Variants in PDGFD observed in about 807,000 individuals in gnomAD.
PDGFD encodes platelet derived growth factor D.
PDGFD carries 30 observed loss-of-function variants against 44.7 expected under a neutral mutation model. That is an observed-to-expected ratio of 0.67 (90% confidence interval 0.50 to 0.91). PDGFD has a LOEUF of 0.91. Ranked by LOEUF, PDGFD falls within the 40% of genes least tolerant of loss-of-function variation. PDGFD has a pLI of 0.00. For synonymous variants in PDGFD, 173 were observed against 168.4 expected (o/e 1.03, Z -0.21); for missense variants, 445 against 457.8 (o/e 0.97, Z 0.25).
chr11:104,065,205 T>C (rs1233148755), intron 1 of PDGFD, among the ~76,000 whole-genome samples: 2 of 152,200 alleles, frequency 1.3e-5, no homozygotes, highest in African/African-American at 2.4e-5. Flanking sequence ...AGACAGCCTA[T>C]TGTAGGACCT....
chr11:103,919,131 G>T (rs1267247192), intron 6 of PDGFD, among the ~76,000 whole-genome samples: 1 of 152,178 alleles, frequency 6.6e-6, no homozygotes, highest in East Asian at 1.9e-4. Context: ...ACCACACAAA[G>T]CCAGGGAAAC....
chr11:104,120,237 C>A (rs999349105), intron 1 of PDGFD, among the ~76,000 whole-genome samples: 1 of 151,630 alleles, frequency 6.6e-6, no homozygotes. Context: ...GCTTTCATTA[C>A]TTGATGGCTA....
chr11:104,049,903 A>G (rs936958577), intron 1 of PDGFD, among the ~76,000 whole-genome samples: 3 of 152,150 alleles, frequency 2.0e-5, no homozygotes, highest in African/African-American at 2.4e-5. Flanking sequence ...TGAGGAGCCA[A>G]TTGGATTGGA....
At chr11:104,013,749 G>A (rs1490938503) in intron 1 of PDGFD, among the ~76,000 whole-genome samples, 2 of 151,886 alleles carry the variant, frequency 1.3e-5, no homozygotes, top group African/African-American at 4.8e-5. Context: ...TCAATAGGTA[G>A]CATGATCTAA....
intron 3 of PDGFD, among the ~76,000 whole-genome samples, chr11:103,980,128 C>A (rs535025747): frequency 7.9e-5 from 12 of 151,944 alleles, no homozygotes; most frequent in Non-Finnish European, 1.2e-4. Flanking sequence ...TTATCTGTTA[C>A]AGAGATAGTA....
intron 3 of PDGFD, among the ~76,000 whole-genome samples, chr11:103,976,420 G>C (rs1237090106): frequency 1.3e-5 from 2 of 152,136 alleles, no homozygotes; most frequent in African/African-American, 2.4e-5. Flanking sequence ...AGCTTCAGGA[G>C]TTTTTGGGCT....
chr11:104,074,475 GA>G (rs1452876987), intron 1 of PDGFD, among the ~76,000 whole-genome samples: 2 of 152,084 alleles, frequency 1.3e-5, no homozygotes, highest in African/African-American at 4.8e-5. Flanking sequence ...TTTAAAATTG[GA>G]ACTAGAAAAT....
At chr11:103,952,542 A>G (rs1413557155) in intron 3 of PDGFD, among the ~76,000 whole-genome samples, 1 of 152,142 alleles carries the variant, frequency 6.6e-6, no homozygotes, top group Non-Finnish European at 1.5e-5. Context: ...ACTGTACCTT[A>G]TAGAGACCAT....
chr11:103,928,521 T>C (rs970897228), intron 5 of PDGFD, among the ~76,000 whole-genome samples: 10 of 152,108 alleles, frequency 6.6e-5, no homozygotes, highest in Non-Finnish European at 8.8e-5. Context: ...CTAAGGAAAA[T>C]TGCAGGAACA....
chr11:103,940,766 T>C (rs1858571034), intron 5 of PDGFD, among the ~76,000 whole-genome samples: 1 of 152,098 alleles, frequency 6.6e-6, no homozygotes, highest in African/African-American at 2.4e-5. Flanking sequence ...TTGCCAGGGT[T>C]AAATTAAATG....
intron 1 of PDGFD, among the ~76,000 whole-genome samples, chr11:104,076,898 T>A (rs1462678024): frequency 6.6e-6 from 1 of 152,208 alleles, no homozygotes; most frequent in Non-Finnish European, 1.5e-5. Flanking sequence ...CAATAGTAAA[T>A]ATATTTTCTC....
chr11:103,983,377 T>C (rs1057331007), intron 3 of PDGFD, among the ~76,000 whole-genome samples: 9 of 151,668 alleles, frequency 5.9e-5, no homozygotes, highest in South Asian at 2.1e-4. Context: ...ATGCAGAAGA[T>C]TGAAACTGGA....
Position 104,048,627 on chromosome 11 carries a change from C to T in PDGFD, c.125-48372G>A, listed in dbSNP as rs113874521. 6.6e-5 allele frequency among the ~76,000 whole-genome samples: 10 copies of T among 152,270 alleles called. 1 individual carries two copies. The highest frequency in any genetic ancestry group is 2.4e-4 in the African/African-American group (10 of 41,556). ...CTTTTTCCTGACAGACTAACCTTTG[C>T]TACTGATACAGGCCATTCCCAAAGC... is the stretch of plus-strand genomic sequence containing the variant. On this transcript the variant is annotated intron_variant, in intron 1 of 6. Transcript: ENST00000393158.
intron 1 of PDGFD, among the ~76,000 whole-genome samples, chr11:104,140,936 G>T (rs1291314636): frequency 2.0e-5 from 3 of 152,202 alleles, no homozygotes; most frequent in African/African-American, 7.2e-5. Context: ...CCTTGGCTAT[G>T]TTAATAGATT....
chr11:104,011,865 A>G (rs1336141895), intron 1 of PDGFD, among the ~76,000 whole-genome samples: 1 of 152,132 alleles, frequency 6.6e-6, no homozygotes, highest in Non-Finnish European at 1.5e-5. Context: ...GGTAAAAAAA[A>G]ATATTCAAGT....
rs556156326 is a variant in PDGFD at position 104,030,338 on chromosome 11, A to C, written c.125-30083T>G. ...GACAACATCCACCTAGTTTCCAATA[A>C]AATATCTTAATAGGCTGGAGAATAA... is the stretch of plus-strand genomic sequence containing the variant. On this transcript the variant is annotated intron_variant, in intron 1 of 6. Coordinates refer to ENST00000393158, the MANE Select transcript of PDGFD (RefSeq NM_025208.5). Among the ~76,000 whole-genome samples, 17 of 152,298 alleles carry C rather than the reference A, an allele frequency of 1.1e-4. No individual in the cohort carries two copies. In the South Asian group the frequency reaches 3.5e-3, roughly 32 times the overall value.
intron 1 of PDGFD, among the ~76,000 whole-genome samples, chr11:104,083,438 G>A (rs998382554): frequency 6.6e-6 from 1 of 152,144 alleles, no homozygotes; most frequent in Non-Finnish European, 1.5e-5. Flanking sequence ...TCCACAATAG[G>A]AGGAAGTCTT....
chr11:103,947,671 G>C lies in PDGFD; in HGVS notation c.564C>G (p.Ser188Arg). 1.2e-6 allele frequency: 2 copies of C among 1,613,052 alleles called. No individual in the cohort carries two copies. Among genetic ancestry groups the C allele is most frequent in the Non-Finnish European group, 1.7e-6 (2 of 1,179,144 alleles). Residue 188 changes from serine (S) to arginine (R), a missense_variant, in exon 4 of 7, where the codon AGC becomes AGG. Ser to Arg is a moderately radical substitution (Grantham distance 110). Transcript: ENST00000393158. ...GTAATAAATTACTTACTGAAATAGA[G>C]CTTGTGACAGATTCCCAGTTGGTCT... ...ASETNWESVT[S>R]SISGVSYNSP...
At chr11:104,075,482 C>T (rs1591151146) in intron 1 of PDGFD, among the ~76,000 whole-genome samples, 1 of 151,048 alleles carries the variant, frequency 6.6e-6, no homozygotes, top group Non-Finnish European at 1.5e-5. Flanking sequence ...CATAATTTTG[C>T]TAGTTTTTAA....
Sources: gnomAD v4.1 joint callset for allele counts (sites outside exome capture counted in the v4.1 genomes callset) on GRCh38, gnomAD v4.1.1 for gene constraint, MANE v1.5 for transcripts, NCBI Gene and HGNC (gene_info 2026-07-23, HGNC 2026-07-21) for gene names.